HSPA1A: variants seen among roughly 807,000 people sequenced by gnomAD.
HSPA1A encodes the protein heat shock 70 kDa protein 1A.
Under a neutral mutation model 8.8 loss-of-function variants are expected in HSPA1A, and 5 were observed. The observed-to-expected ratio is 0.57, with a 90% CI of 0.30 to 1.19. The LOEUF (loss-of-function observed/expected upper bound fraction) is 1.19, where lower values mean the gene tolerates loss of function less well. HSPA1A is among the 50% of genes most tolerant of loss of function. The pLI is 0.08. For synonymous variants in HSPA1A, 112 were observed against 188.4 expected, an observed-to-expected ratio of 0.59 and a Z score of 3.32; for missense variants, 207 against 430.7, an observed-to-expected ratio of 0.48 and a Z score of 4.60.
At position 31,817,712 on chromosome 6, in the gene HSPA1A, T is replaced by C. The variant is rs199732319; in HGVS notation, c.*30T>C. On this transcript the variant is annotated 3_prime_UTR_variant, in exon 1 of 1. Coordinates refer to ENST00000375651, the MANE Select transcript of HSPA1A (RefSeq NM_005345.6). ...CTTTCCAAGATTGCTGTTTTTGTTT[T>C]GGAGCTTCAAGACTTTGCATTTCCT... 1 of 1,595,988 alleles carries C rather than the reference T, an allele frequency of 6.3e-7. No individual in the cohort carries two copies. The highest frequency in any genetic ancestry group is 8.5e-7 in the Non-Finnish European group (1 of 1,170,838).
At position 31,815,543 on chromosome 6, in the gene HSPA1A, A is replaced by G; in HGVS notation, c.-214A>G. On this transcript the variant is annotated 5_prime_UTR_variant, in exon 1 of 1. Transcript: ENST00000375651. ...AAGCCCAGGGGCAAGCGGTCCGGAT[A>G]ACGGCTAGCCTGAGGAGCTGCTGCG... 8.3e-7 allele frequency: 1 copy of G among 1,211,090 alleles called. No individual in the cohort carries two copies. The highest frequency in any genetic ancestry group is 1.2e-6 in the Non-Finnish European group (1 of 861,938). 75.0% of individuals were successfully genotyped at this position (1,211,090 alleles called of 1,614,324 possible). A position where few individuals can be genotyped will look rare whatever the true frequency, so the allele number is the denominator to read the frequency against.
Position 31,815,592 on chromosome 6 carries a change from G to A in HSPA1A, c.-165G>A. 1 of 1,522,958 alleles carries A rather than the reference G, an allele frequency of 6.6e-7. No individual in the cohort carries two copies. Among genetic ancestry groups the A allele is most frequent in the African/African-American group, 1.4e-5 (1 of 72,502 alleles). The allele number at this position is 1,522,958 out of a possible 1,614,324, so 94.3% of individuals were successfully genotyped here. A position where few individuals can be genotyped will look rare whatever the true frequency, so the allele number is the denominator to read the frequency against. On this transcript the variant is annotated 5_prime_UTR_variant, in exon 1 of 1. It adds an upstream start codon to the 5' untranslated region. Coordinates refer to ENST00000375651, the MANE Select transcript of HSPA1A (RefSeq NM_005345.6). ...CGACAGTCCACTACCTTTTTCGAGA[G>A]TGACTCCCGTTGTCCCAAGGCTTCC...
chr6:31,816,190 C>T lies in HSPA1A; in HGVS notation c.434C>T (p.Thr145Ile). ...LGYPVTNAVI[T>I]VPAYFNDSQR... is the part of the protein sequence containing the mutation. The stretch of plus-strand genomic sequence containing the variant: ...TACCCGGTGACCAACGCGGTGATCA[C>T]CGTGCCGGCCTACTTCAACGACTCG... Residue 145 changes from threonine (T) to isoleucine (I), a missense_variant, in exon 1 of 1, where the codon ACC becomes ATC. By Grantham distance (89) the Thr-to-Ile change is moderately conservative (BLOSUM62 -1). This residue lies in a region of HSPA1A where 129 missense variants were observed against 173.1 expected (regional missense o/e 0.75). Coordinates refer to ENST00000375651, the MANE Select transcript of HSPA1A (RefSeq NM_005345.6). The T allele has an allele frequency of 2.4e-6, 1 of 416,204 alleles. No homozygotes were observed. The highest frequency in any genetic ancestry group is 4.0e-6 in the Non-Finnish European group (1 of 249,232). The allele number at this position is 416,204 out of a possible 1,614,324, so 25.8% of individuals were successfully genotyped here. A position where few individuals can be genotyped will look rare whatever the true frequency, so the allele number is the denominator to read the frequency against.
Position 31,815,686 on chromosome 6 carries a change from T to C in HSPA1A, c.-71T>C, listed in dbSNP as rs1218290182. On this transcript the variant is annotated 5_prime_UTR_variant, in exon 1 of 1. Transcript: ENST00000375651. ...CCGGCGTCCGGAAGGACCGAGCTCT[T>C]CTCGCGGATCCAGTGTTCCGTTTCC... is the stretch of plus-strand genomic sequence containing the variant. The C allele has an allele frequency of 4.3e-6, 7 of 1,613,274 alleles. No homozygotes were observed. Among genetic ancestry groups the C allele is most frequent in the African/African-American group, 2.7e-5 (2 of 74,892 alleles).
At position 31,817,687 on chromosome 6, in the gene HSPA1A, C is replaced by T; in HGVS notation, c.*5C>T. ...ACCATTGAGGAGGTAGATTAGGGGC[C>T]TTTCCAAGATTGCTGTTTTTGTTTT... On this transcript the variant is annotated 3_prime_UTR_variant, in exon 1 of 1. Transcript: ENST00000375651. 1.9e-6 allele frequency: 3 copies of T among 1,604,584 alleles called. No homozygotes were observed. The highest frequency in any genetic ancestry group is 2.6e-6 in the Non-Finnish European group (3 of 1,175,214).
Position 31,815,641 on chromosome 6 carries a change from G to C in HSPA1A, c.-116G>C. ...CCCAGAGCGAACCTGTGCGGCTGCA[G>C]GCACCGGCGCGTCGAGTTTCCGGCG... On this transcript the variant is annotated 5_prime_UTR_variant, in exon 1 of 1. Coordinates refer to ENST00000375651, the MANE Select transcript of HSPA1A (RefSeq NM_005345.6). The C allele has an allele frequency of 6.2e-7, 1 of 1,611,354 alleles. No individual in the cohort carries two copies. Among genetic ancestry groups the C allele is most frequent in the Non-Finnish European group, 8.5e-7 (1 of 1,179,178 alleles).
At position 31,815,761 on chromosome 6, in the gene HSPA1A, C is replaced by A; in HGVS notation, c.5C>A (p.Ala2Asp). The A allele has an allele frequency of 6.2e-7, 1 of 1,613,966 alleles. No homozygotes were observed. Among genetic ancestry groups the A allele is most frequent in the Non-Finnish European group, 8.5e-7 (1 of 1,180,030 alleles). M[A>D]KAAAIGIDLG... ...GACAGAGAGCAGGGAACCGGCATGG[C>A]CAAAGCCGCGGCGATCGGCATCGAC... Residue 2 changes from alanine to aspartate, a missense_variant, in exon 1 of 1, where the codon GCC (alanine) becomes GAC (aspartate). By Grantham distance (126) the Ala-to-Asp change is moderately radical (BLOSUM62 -2). Around this residue, in one of 5 missense-constraint regions of HSPA1A, gnomAD observed 129 missense variants for 173.1 expected, o/e 0.75. Transcript: ENST00000375651.
rs1816049938 is a variant in HSPA1A, at chr6:31,817,862, A to C, written c.*180A>C. On this transcript the variant is annotated 3_prime_UTR_variant, in exon 1 of 1. Transcript: ENST00000375651. ...GATGAATTTATACTGCCATCTTACG[A>C]CTATTTCTTCTTTTTAATACACTTA... is the stretch of plus-strand genomic sequence containing the variant. The C allele has an allele frequency of 6.9e-7, 1 of 1,442,032 alleles. No individual in the cohort carries two copies. The highest frequency in any genetic ancestry group is 2.5e-5 in the East Asian group (1 of 39,824). The allele number at this position is 1,442,032 out of a possible 1,614,324, so 89.3% of individuals were successfully genotyped here.
At position 31,815,642 on chromosome 6, in the gene HSPA1A, G is replaced by A; in HGVS notation, c.-115G>A. The A allele has an allele frequency of 6.2e-7, 1 of 1,611,174 alleles. No homozygotes were observed. ...CCAGAGCGAACCTGTGCGGCTGCAG[G>A]CACCGGCGCGTCGAGTTTCCGGCGT... On this transcript the variant is annotated 5_prime_UTR_variant, in exon 1 of 1. Coordinates refer to ENST00000375651, the MANE Select transcript of HSPA1A (RefSeq NM_005345.6).
chr6:31,815,768 C>G lies in HSPA1A; in HGVS notation c.12C>G (p.Ala4=). MAK[A]AAIGIDLGTT... is the part of the protein sequence containing the mutation. ...AGCAGGGAACCGGCATGGCCAAAGC[C>G]GCGGCGATCGGCATCGACCTGGGCA... The change falls in exon 1 of 1, where the codon GCC becomes GCG. Residue 4 remains alanine, a synonymous_variant. Transcript: ENST00000375651. 1 of 1,613,878 alleles carries G rather than the reference C, an allele frequency of 6.2e-7. No homozygotes were observed. Among genetic ancestry groups the G allele is most frequent in the Non-Finnish European group, 8.5e-7 (1 of 1,180,016 alleles).
chr6:31,817,720 C>G lies in HSPA1A; in HGVS notation c.*38C>G, dbSNP rs1816038669. The G allele has an allele frequency of 1.3e-6, 2 of 1,579,218 alleles. No individual in the cohort carries two copies. Among genetic ancestry groups the G allele is most frequent in the South Asian group, 1.1e-5 (1 of 87,048 alleles). ...GATTGCTGTTTTTGTTTTGGAGCTT[C>G]AAGACTTTGCATTTCCTAGTATTTC... On this transcript the variant is annotated 3_prime_UTR_variant, in exon 1 of 1. Coordinates refer to ENST00000375651, the MANE Select transcript of HSPA1A (RefSeq NM_005345.6).
At position 31,815,666 on chromosome 6, in the gene HSPA1A, G is replaced by A; in HGVS notation, c.-91G>A. 5.6e-6 allele frequency: 9 copies of A among 1,613,060 alleles called. No individual in the cohort carries two copies. The highest frequency in any genetic ancestry group is 7.6e-6 in the Non-Finnish European group (9 of 1,179,928). On this transcript the variant is annotated 5_prime_UTR_variant, in exon 1 of 1. Coordinates refer to ENST00000375651, the MANE Select transcript of HSPA1A (RefSeq NM_005345.6). ...GGCACCGGCGCGTCGAGTTTCCGGCGTCCGGAAGGACCGAGCTCTTCTCGC... is the reference window on the plus strand; with the variant it reads ...GGCACCGGCGCGTCGAGTTTCCGGCATCCGGAAGGACCGAGCTCTTCTCGC...
In HSPA1A at chr6:31,815,777, C is replaced by T; in HGVS notation, c.21C>T (p.Ile7=). The T allele has an allele frequency of 1.9e-6, 3 of 1,613,796 alleles. No homozygotes were observed. The highest frequency in any genetic ancestry group is 1.7e-6 in the Non-Finnish European group (2 of 1,180,006). ...CCGGCATGGCCAAAGCCGCGGCGAT[C>T]GGCATCGACCTGGGCACCACCTACT... MAKAAA[I]GIDLGTTYSC... The change falls in exon 1 of 1, where the codon ATC becomes ATT. Residue 7 remains isoleucine, a synonymous_variant. Transcript: ENST00000375651.
chr6:31,817,770 T>G lies in HSPA1A; in HGVS notation c.*88T>G. On this transcript the variant is annotated 3_prime_UTR_variant, in exon 1 of 1. Coordinates refer to ENST00000375651, the MANE Select transcript of HSPA1A (RefSeq NM_005345.6). ...CTGTTTGTCAGTTCTCAATTTCCTG[T>G]GTTTGCAATGTTGAAATTTTTTGGT... is the stretch of plus-strand genomic sequence containing the variant. 1 of 1,522,482 alleles carries G rather than the reference T, an allele frequency of 6.6e-7. No homozygotes were observed. Among genetic ancestry groups the G allele is most frequent in the Non-Finnish European group, 8.8e-7 (1 of 1,138,998 alleles). 94.3% of individuals were successfully genotyped at this position (1,522,482 alleles called of 1,614,324 possible). A position where few individuals can be genotyped will look rare whatever the true frequency, so the allele number is the denominator to read the frequency against.
chr6:31,817,441 T>G lies in HSPA1A; in HGVS notation c.1685T>G (p.Ile562Ser). 6.2e-7 allele frequency: 1 copy of G among 1,612,064 alleles called. No individual in the cohort carries two copies. The highest frequency in any genetic ancestry group is 8.5e-7 in the Non-Finnish European group (1 of 1,179,770). ...AVEDEGLKGKISEADKKKVLD... is the reference protein window; with the variant it reads ...AVEDEGLKGKSSEADKKKVLD... Reference sequence around the variant, plus strand: ...GAGGATGAGGGGCTCAAGGGCAAGATCAGCGAGGCGGACAAGAAGAAGGTG... The same window carrying G: ...GAGGATGAGGGGCTCAAGGGCAAGAGCAGCGAGGCGGACAAGAAGAAGGTG... Residue 562 changes from isoleucine (I) to serine (S), a missense_variant, in exon 1 of 1, where the codon ATC (isoleucine) becomes AGC (serine). Transcript: ENST00000375651.
At position 31,817,872 on chromosome 6, in the gene HSPA1A, C is replaced by CT; in HGVS notation, c.*195dup. The CT allele has an allele frequency of 6.9e-7, 1 of 1,440,038 alleles. No individual in the cohort carries two copies. Among genetic ancestry groups the CT allele is most frequent in the Non-Finnish European group, 9.1e-7 (1 of 1,096,174 alleles). The allele number at this position is 1,440,038 out of a possible 1,614,324, so 89.2% of individuals were successfully genotyped here. A position where few individuals can be genotyped will look rare whatever the true frequency, so the allele number is the denominator to read the frequency against. On this transcript the variant is annotated 3_prime_UTR_variant, in exon 1 of 1. Transcript: ENST00000375651. ...TACTGCCATCTTACGACTATTTCTT[C>CT]TTTTTAATACACTTAACTCAGGCCA... is the stretch of plus-strand genomic sequence containing the variant.
chr6:31,815,726 G>C lies in HSPA1A; in HGVS notation c.-31G>C, dbSNP rs1227924131. 1 of 1,613,724 alleles carries C rather than the reference G, an allele frequency of 6.2e-7. No homozygotes were observed. The highest frequency in any genetic ancestry group is 1.3e-5 in the African/African-American group (1 of 74,930). On this transcript the variant is annotated 5_prime_UTR_variant, in exon 1 of 1. Transcript: ENST00000375651. ...GTTCCGTTTCCAGCCCCCAATCTCA[G>C]AGCGGAGCCGACAGAGAGCAGGGAA...
rs1043618 is a variant in HSPA1A, at chr6:31,815,730, G to A, written c.-27G>A. The stretch of plus-strand genomic sequence containing the variant: ...CGTTTCCAGCCCCCAATCTCAGAGC[G>A]GAGCCGACAGAGAGCAGGGAACCGG... On this transcript the variant is annotated 5_prime_UTR_variant, in exon 1 of 1. Coordinates refer to ENST00000375651, the MANE Select transcript of HSPA1A (RefSeq NM_005345.6). 2.5e-6 allele frequency: 4 copies of A among 1,613,578 alleles called. No individual in the cohort carries two copies. The highest frequency in any genetic ancestry group is 2.2e-5 in the East Asian group (1 of 44,876).
At position 31,815,736 on chromosome 6, in the gene HSPA1A, G is replaced by A. The variant is rs200771637; in HGVS notation, c.-21G>A. 6.2e-6 allele frequency: 10 copies of A among 1,613,710 alleles called. No individual in the cohort carries two copies. In the East Asian group the frequency reaches 1.8e-4, roughly 29 times the overall value. On this transcript the variant is annotated 5_prime_UTR_variant, in exon 1 of 1. Transcript: ENST00000375651. Reference sequence around the variant, plus strand: ...CAGCCCCCAATCTCAGAGCGGAGCCGACAGAGAGCAGGGAACCGGCATGGC... The same window carrying A: ...CAGCCCCCAATCTCAGAGCGGAGCCAACAGAGAGCAGGGAACCGGCATGGC...
Sources: gnomAD v4.1 joint callset for allele counts on GRCh38, gnomAD v4.1.1 for gene constraint, gnomAD v4.1.1 regional missense constraint, MANE v1.5 for transcripts, NCBI Gene and HGNC (gene_info 2026-07-23, HGNC 2026-07-21) for gene names.